The following TULP4 variants were observed in gnomAD, a reference collection of about 807,000 sequenced individuals.
TULP4 encodes the protein TUB like protein 4.
A neutral mutation model predicts 129.0 loss-of-function variants in TULP4; 16 were observed. That is an observed-to-expected ratio of 0.12 (90% CI 0.08 to 0.19). The LOEUF (loss-of-function observed/expected upper bound fraction) is 0.19. TULP4 is among the 10% of genes least tolerant of loss of function. The pLI is 1.00. For missense variants in TULP4, 1,842 were observed against 2,059.1 expected, an observed-to-expected ratio of 0.89 and a Z score of 2.04; for synonymous variants, 998 against 854.0, an observed-to-expected ratio of 1.17 and a Z score of -2.94.
chr6:158,282,840 A>G, intron 1 of TULP4: 1 of 152,036 alleles, frequency 6.6e-6, no homozygotes, highest in East Asian at 1.9e-4. Flanking sequence ...ACAGAACGTT[A>G]TATTATATGA....
At chr6:158,457,767 C>A (rs1779326444) in intron 5 of TULP4, among the ~76,000 whole-genome samples, 1 of 152,100 alleles carries the variant, frequency 6.6e-6, no homozygotes, top group East Asian at 1.9e-4. Flanking sequence ...TTTCATTAAG[C>A]ACACTGAAAA....
chr6:158,391,102 TGAA>T (rs1261038873), intron 1 of TULP4, among the ~76,000 whole-genome samples: 3 of 151,936 alleles, frequency 2.0e-5, no homozygotes, highest in African/African-American at 7.3e-5. Context: ...AAGATGAAAA[TGAA>T]GAAATAAAAT....
chr6:158,443,030 C>T (rs1013698894), intron 3 of TULP4, among the ~76,000 whole-genome samples: 3 of 151,988 alleles, frequency 2.0e-5, no homozygotes, highest in Non-Finnish European at 2.9e-5. Flanking sequence ...TGTCACCAGA[C>T]TGGAATGCAG....
chr6:158,426,178 A>C (rs113382463), intron 2 of TULP4, among the ~76,000 whole-genome samples: 1 of 148,524 alleles, frequency 6.7e-6, no homozygotes, highest in South Asian at 2.1e-4. Flanking sequence ...TAGATTGTCT[A>C]TTTACTTTAT....
At chr6:158,293,593 C>T (rs1778980137) in intron 1 of TULP4, among the ~76,000 whole-genome samples, 1 of 152,180 alleles carries the variant, frequency 6.6e-6, no homozygotes, top group Non-Finnish European at 1.5e-5. Context: ...GTGCTCAGTG[C>T]TTCTGTGTGC....
intron 3 of TULP4, among the ~76,000 whole-genome samples, chr6:158,435,833 A>T (rs1353474087): frequency 1.3e-5 from 2 of 150,384 alleles, no homozygotes; most frequent in Non-Finnish European, 3.0e-5. Context: ...CCTCATCTGC[A>T]CTCTTATCTT....
intron 1 of TULP4, among the ~76,000 whole-genome samples, chr6:158,405,465 G>A (rs948995950): frequency 6.6e-5 from 10 of 152,222 alleles, no homozygotes; most frequent in African/African-American, 2.4e-4. Context: ...TGTTGAGAAT[G>A]TGGGGGTCAA....
intron 1 of TULP4, among the ~76,000 whole-genome samples, chr6:158,252,666 G>A (rs1057431929): frequency 2.6e-5 from 4 of 152,146 alleles, no homozygotes; most frequent in African/African-American, 7.2e-5. Flanking sequence ...GAGCCACCGC[G>A]CCCAGCCAGC....
upstream of TULP4, chr6:158,311,984 C>T: frequency 2.5e-6 from 1 of 394,948 alleles, no homozygotes; most frequent in Admixed American, 4.4e-5. Flanking sequence ...AGCAATTATT[C>T]TTAAAACCTT....
intron 1 of TULP4, among the ~76,000 whole-genome samples, chr6:158,362,696 G>T (rs1220765545): frequency 6.6e-6 from 1 of 152,226 alleles, no homozygotes; most frequent in Non-Finnish European, 1.5e-5. Context: ...GGTCTTTGGT[G>T]TCTGGGGTTG....
intron 1 of TULP4, among the ~76,000 whole-genome samples, chr6:158,298,186 T>A (rs559557687): frequency 6.6e-6 from 1 of 152,314 alleles, no homozygotes; most frequent in East Asian, 1.9e-4. Context: ...TCGCTGTTAT[T>A]CTGTTCTTTT....
At chr6:158,362,444 G>A (rs943578188) in intron 1 of TULP4, among the ~76,000 whole-genome samples, 13 of 152,024 alleles carry the variant, frequency 8.6e-5, no homozygotes, top group African/African-American at 2.9e-4. Flanking sequence ...TGACCTCCTG[G>A]GCTCAAGCAA....
At position 158,500,881 on chromosome 6, in the gene TULP4, A is replaced by G. The variant is rs530476963; in HGVS notation, c.2015-797A>G. Reference sequence around the variant, plus strand: ...GGAGTTGGGGACCAGCCTGGCCAACATGGCAAAACCCCATATCTACTAAAA... The same window carrying G: ...GGAGTTGGGGACCAGCCTGGCCAACGTGGCAAAACCCCATATCTACTAAAA... On this transcript the variant is annotated intron_variant, in intron 12 of 13. Coordinates refer to ENST00000367097, the MANE Select transcript of TULP4 (RefSeq NM_020245.5). 4.6e-5 allele frequency among the ~76,000 whole-genome samples: 7 copies of G among 152,324 alleles called. No homozygotes were observed. The South Asian group carries it at 1.2e-3, about 27-fold the overall frequency.
intron 1 of TULP4, among the ~76,000 whole-genome samples, chr6:158,327,947 C>T (rs1018248532): frequency 3.9e-5 from 6 of 152,108 alleles, no homozygotes; most frequent in Middle Eastern, 3.2e-3. Flanking sequence ...TGGGGGAGAA[C>T]CAGCTGTTTT....
chr6:158,341,545 C>G (rs1252914622), intron 1 of TULP4, among the ~76,000 whole-genome samples: 3 of 152,148 alleles, frequency 2.0e-5, no homozygotes, highest in Non-Finnish European at 4.4e-5. Flanking sequence ...TATGAGGGTT[C>G]CCTTTTCTCC....
intron 2 of TULP4, among the ~76,000 whole-genome samples, chr6:158,417,274 G>C (rs1778231223): frequency 6.6e-6 from 1 of 152,124 alleles, no homozygotes; most frequent in Non-Finnish European, 1.5e-5. Flanking sequence ...CACTTCCCTT[G>C]TGTTTCTTTC....
rs148154790 is a variant in TULP4 at position 158,364,497 on chromosome 6, A to G, written c.253-48568A>G. Among the ~76,000 whole-genome samples the G allele has an allele frequency of 4.6e-3, 707 of 152,276 alleles. 8 individuals carry two copies. Among genetic ancestry groups the G allele is most frequent in the African/African-American group, 0.016 (677 of 41,564 alleles). ...AACCTAGTCTTTGTATTTCAGAAAT[A>G]TCTTTTGTTTCATCTTTACTCTTCC... On this transcript the variant is annotated intron_variant, in intron 1 of 13. Transcript: ENST00000367097.
intron 11 of TULP4, among the ~76,000 whole-genome samples, chr6:158,495,784 G>A (rs1052625797): frequency 2.0e-5 from 3 of 151,750 alleles, no homozygotes; most frequent in African/African-American, 7.3e-5. Flanking sequence ...AGGTTGCTGT[G>A]AGCCGAGATC....
At chr6:158,456,176 A>C (rs1010815365) in intron 5 of TULP4, among the ~76,000 whole-genome samples, 1 of 152,014 alleles carries the variant, frequency 6.6e-6, no homozygotes. Flanking sequence ...GAGGGGTAGA[A>C]CTCTTACTGT....
Sources: allele counts gnomAD v4.1 joint callset (sites outside exome capture counted in the v4.1 genomes callset), GRCh38; gene constraint gnomAD v4.1.1; transcripts MANE v1.5; gene names NCBI Gene and HGNC (gene_info 2026-07-23, HGNC 2026-07-21).